Variants in EDRF1 observed in about 807,000 individuals in gnomAD.
EDRF1 encodes the protein erythroid differentiation-related factor 1.
In EDRF1, 69 loss-of-function variants were observed where a neutral mutation model predicts 148.7. The observed-to-expected ratio is 0.46, with a 90% CI of 0.38 to 0.57. EDRF1 has a LOEUF of 0.57. Ranked by LOEUF, EDRF1 falls within the 20% of genes least tolerant of loss-of-function variation. The probability of loss-of-function intolerance (pLI) is 0.00; values close to 1 mark genes in which losing one functional copy is unlikely to be tolerated. For missense variants in EDRF1, 1,118 were observed against 1,478.7 expected, an observed-to-expected ratio of 0.76 and a Z score of 4.00; for synonymous variants, 515 against 532.8, an observed-to-expected ratio of 0.97 and a Z score of 0.46.
At chr10:125,729,235 G>A (rs985408050) in intron 7 of EDRF1, 123 bp from the exon 8 acceptor site, 2 of 1,462,552 alleles carry the variant, frequency 1.4e-6, no homozygotes, top group African/African-American at 1.4e-5. Context: ...GCATCTTTGT[G>A]ATCTTAGCTC....
rs1848220427 is a variant in EDRF1, at chr10:125,725,611, A to G, written c.636-71A>G. On this transcript the variant is annotated intron_variant, in intron 5 of 24. Transcript: ENST00000356792. ...TGCTTAATTACAGATTGTAGTTTTT[A>G]TAAACGGGTAGACTGTTGCATGAAG... The G allele has an allele frequency of 4.4e-6, 7 of 1,599,116 alleles. No homozygotes were observed. The East Asian group carries it at 1.6e-4, about 36-fold the overall frequency.
At position 125,741,218 on chromosome 10, in the gene EDRF1, G is replaced by T; in HGVS notation, c.2371+17G>T. 2 of 1,612,710 alleles carry T rather than the reference G, an allele frequency of 1.2e-6. No homozygotes were observed. Among genetic ancestry groups the T allele is most frequent in the Non-Finnish European group, 1.7e-6 (2 of 1,178,812 alleles). On this transcript the variant is annotated intron_variant, in intron 17 of 24. Transcript: ENST00000356792. ...GTTGCCAAGGTGTGCCACAGGCTTG[G>T]ACCACGTGGTTCACAGTGGGACTGT...
rs776333335 is a variant in EDRF1 at position 125,723,038 on chromosome 10, A to G, written c.318-30A>G. ...CTTGCATGATTATGAGCATGACCTCATAACCTGTGTCCTTTTTTCTCTTTG... is the reference window on the plus strand; with the variant it reads ...CTTGCATGATTATGAGCATGACCTCGTAACCTGTGTCCTTTTTTCTCTTTG... On this transcript the variant is annotated intron_variant, in intron 2 of 24. Transcript: ENST00000356792. The G allele has an allele frequency of 1.9e-6, 3 of 1,581,244 alleles. No individual in the cohort carries two copies. The East Asian group carries it at 6.7e-5, about 35-fold the overall frequency.
chr10:125,747,817 T>G (rs1477258684), intron 20 of EDRF1, 46 bp from the exon 21 acceptor site: 3 of 1,612,896 alleles, frequency 1.9e-6, no homozygotes, highest in African/African-American at 2.7e-5. Context: ...ACTCCTACAG[T>G]CAGATTAGAA....
chr10:125,745,911 A>C lies in EDRF1; in HGVS notation c.2795A>C (p.Glu932Ala), dbSNP rs959438425. The C allele has an allele frequency of 6.2e-7, 1 of 1,614,222 alleles. No individual in the cohort carries two copies. Among genetic ancestry groups the C allele is most frequent in the East Asian group, 2.2e-5 (1 of 44,886 alleles). ...CTGAAACGTGAATTTTCACCAGAAG[A>C]AGGCTTGTATTATAATAAGGTAACA... ...DELKREFSPEEGLYYNKAIDY... is the reference protein window; with the variant it reads ...DELKREFSPEAGLYYNKAIDY... Residue 932 changes from glutamate to alanine, a missense_variant, in exon 19 of 25, where the codon GAA becomes GCA. This residue lies in a region of EDRF1 where 954 missense variants were observed against 1,241.4 expected (regional missense o/e 0.77). Transcript: ENST00000356792.
At chr10:125,752,708 T>C (rs1849702136) in intron 22 of EDRF1, 91 bp from the exon 23 acceptor site, 2 of 847,952 alleles carry the variant, frequency 2.4e-6, no homozygotes, top group South Asian at 2.9e-5. Flanking sequence ...TTATAGCATT[T>C]TGAAAGTCTG....
At chr10:125,724,665 G>A (rs541693072) in intron 4 of EDRF1, among the ~76,000 whole-genome samples, 1 of 152,300 alleles carries the variant, frequency 6.6e-6, no homozygotes, top group East Asian at 1.9e-4. Flanking sequence ...CTTTAGCCTA[G>A]ATTCTCAAAT....
At chr10:125,723,717 A>G (rs771265937) in intron 3 of EDRF1, 94 bp from the exon 4 acceptor site, 47 of 1,311,356 alleles carry the variant, frequency 3.6e-5, no homozygotes, top group Admixed American at 1.1e-4. Flanking sequence ...AATAAGGTTT[A>G]TTATGCTTTA....
At chr10:125,740,813 T>C (rs976314392) in intron 16 of EDRF1, among the ~76,000 whole-genome samples, 162 bp downstream of exon 16, 5 of 152,222 alleles carry the variant, frequency 3.3e-5, no homozygotes, top group African/African-American at 9.7e-5. Context: ...TAGTTTCTGC[T>C]CAGTGGTTTA....
At chr10:125,728,191 C>A (rs78314563) in intron 6 of EDRF1, among the ~76,000 whole-genome samples, 311 of 128,768 alleles carry the variant, frequency 2.4e-3, no homozygotes, top group Admixed American at 2.2e-3. Flanking sequence ...AACTCTGTCT[C>A]AAAAAAAAAA....
In EDRF1 at chr10:125,741,051, C is replaced by T; in HGVS notation, c.2221C>T (p.Leu741Phe). ...TNMLSEVLLF[L>F]SQYLTLCGDI... ...TATGCTTTCCGAAGTGCTGTTGTTT[C>T]TCTCTCAATATTTGACACTTTGTGG... Residue 741 changes from leucine to phenylalanine, a missense_variant, in exon 17 of 25, where the codon CTC (leucine) becomes TTC (phenylalanine). Around this residue, in one of 3 missense-constraint regions of EDRF1, gnomAD observed 954 missense variants for 1,241.4 expected, o/e 0.77. Transcript: ENST00000356792. 1.2e-6 allele frequency: 2 copies of T among 1,614,118 alleles called. No individual in the cohort carries two copies. The highest frequency in any genetic ancestry group is 1.7e-6 in the Non-Finnish European group (2 of 1,180,032).
intron 17 of EDRF1, chr10:125,742,779 T>TA: frequency 1.0e-6 from 1 of 984,778 alleles, no homozygotes; most frequent in Non-Finnish European, 1.2e-6. Context: ...TCCATTCTAA[T>TA]AAACAAGTGT....
intron 8 of EDRF1, among the ~76,000 whole-genome samples, chr10:125,729,757 A>G (rs1848415958): frequency 6.6e-6 from 1 of 152,226 alleles, no homozygotes; most frequent in East Asian, 1.9e-4. Flanking sequence ...AGGCAGGCCT[A>G]TAGCTGAGTC....
Position 125,752,838 on chromosome 10 carries a change from G to C in EDRF1, c.3317G>C (p.Gly1106Ala), listed in dbSNP as rs758023044. 1.2e-6 allele frequency: 2 copies of C among 1,613,760 alleles called. No homozygotes were observed. Among genetic ancestry groups the C allele is most frequent in the African/African-American group, 2.7e-5 (2 of 74,874 alleles). Residue 1106 changes from glycine (G) to alanine (A), a missense_variant, in exon 23 of 25, where the codon GGG becomes GCG. Physicochemically the swap from Gly to Ala is moderately conservative, Grantham distance 60 (BLOSUM62 0). Around this residue, in one of 3 missense-constraint regions of EDRF1, gnomAD observed 954 missense variants for 1,241.4 expected, o/e 0.77. Coordinates refer to ENST00000356792, the MANE Select transcript of EDRF1 (RefSeq NM_001202438.2). ...SNVGKLKTLS[G>A]ALDIMVRTEH... ...GTTGGAAAGTTGAAAACACTATCTG[G>C]GGCTCTTGATATAATGGTGAGAACT...
intron 4 of EDRF1, 101 bp from the exon 5 acceptor site, chr10:125,725,217 C>T (rs1848198866): frequency 8.8e-6 from 12 of 1,366,374 alleles, no homozygotes; most frequent in Admixed American, 1.8e-5. Context: ...GTTTATGAAA[C>T]TATTCAAAAA....
At chr10:125,742,225 A>C (rs1849062020) in intron 17 of EDRF1, 1 of 1,289,366 alleles carries the variant, frequency 7.8e-7, no homozygotes, top group African/African-American at 1.5e-5. Context: ...GTCAGGCTTT[A>C]AAACTGGGAA....
At chr10:125,754,823 A>G (rs1417207952) in intron 24 of EDRF1, among the ~76,000 whole-genome samples, 1 of 152,222 alleles carries the variant, frequency 6.6e-6, no homozygotes, top group East Asian at 1.9e-4. Flanking sequence ...ATCCTAATAC[A>G]TCCATTGTTA....
In EDRF1 at chr10:125,728,910, G is replaced by A. The variant is rs1848379746; in HGVS notation, c.793-93G>A. ...ATTCACAATGGTAGATTTGAAGTGT[G>A]TGCTTTGAATATTTAGGTGATACTC... On this transcript the variant is annotated intron_variant, in intron 6 of 24. Coordinates refer to ENST00000356792, the MANE Select transcript of EDRF1 (RefSeq NM_001202438.2). The A allele has an allele frequency of 1.4e-5, 13 of 945,278 alleles. No homozygotes were observed. The South Asian group carries it at 2.1e-4, about 15-fold the overall frequency. The allele number at this position is 945,278 out of a possible 1,614,324, so 58.6% of individuals were successfully genotyped here. A position where few individuals can be genotyped will look rare whatever the true frequency, so the allele number is the denominator to read the frequency against.
chr10:125,752,933 T>C lies in EDRF1; in HGVS notation c.3393+19T>C, dbSNP rs757466878. On this transcript the variant is annotated intron_variant, in intron 23 of 24. Transcript: ENST00000356792. ...TGGCCAGGTACATGGAGAAAATGAC[T>C]GTCTTTGGTTTTTGTGTGTCTTAAG... 3.2e-5 allele frequency: 50 copies of C among 1,571,716 alleles called. No individual in the cohort carries two copies. Among genetic ancestry groups the C allele is most frequent in the Non-Finnish European group, 4.3e-5 (49 of 1,142,244 alleles).
Sources: gnomAD v4.1 joint callset for allele counts (sites outside exome capture counted in the v4.1 genomes callset) on GRCh38, gnomAD v4.1.1 for gene constraint, gnomAD v4.1.1 regional missense constraint, MANE v1.5 for transcripts, NCBI Gene and HGNC (gene_info 2026-07-23, HGNC 2026-07-21) for gene names.